The following THSD7A variants were observed in gnomAD, a reference collection of about 807,000 sequenced individuals.
THSD7A encodes the protein thrombospondin type 1 domain containing 7A, also known as thrombospondin type-1 domain-containing protein 7A.
A neutral mutation model predicts 231.3 loss-of-function variants in THSD7A; 96 were observed. The ratio of observed to expected loss-of-function variants is 0.41; its 90% CI spans 0.35 to 0.49. THSD7A has a LOEUF of 0.49. THSD7A is among the 20% of genes least tolerant of loss of function. The pLI is 0.05. For missense variants in THSD7A, 2,290 were observed against 2,070.2 expected, an observed-to-expected ratio of 1.11 and a Z score of -2.06; for synonymous variants, 940 against 743.3, an observed-to-expected ratio of 1.26 and a Z score of -4.30.
intron 23 of THSD7A, among the ~76,000 whole-genome samples, chr7:11,391,156 C>CAGGCAGGGATGTTTA (rs1451496898): frequency 1.3e-5 from 2 of 152,196 alleles, no homozygotes; most frequent in African/African-American, 4.8e-5. Context: ...TCAGAGCCAT[C>CAGGCAGGGATGTTTA]AGGCAGGGAT....
intron 13 of THSD7A, among the ~76,000 whole-genome samples, chr7:11,429,954 A>G (rs531680560): frequency 1.3e-5 from 2 of 152,342 alleles, no homozygotes; most frequent in African/African-American, 2.4e-5. Context: ...TCTTAACTAC[A>G]AACTTGCCAT....
intron 26 of THSD7A, chr7:11,378,030 G>C (rs1027299138): frequency 1.6e-4 from 25 of 151,676 alleles, no homozygotes; most frequent in Non-Finnish European, 2.6e-4. Flanking sequence ...CATACTATCA[G>C]CTAAATAAGC....
intron 2 of THSD7A, 137 bp from the exon 3 acceptor site, chr7:11,593,639 C>A: frequency 9.5e-7 from 1 of 1,047,918 alleles, no homozygotes; most frequent in Non-Finnish European, 1.4e-6. Context: ...GAAAATACAT[C>A]AACATTTATG....
intron 1 of THSD7A, among the ~76,000 whole-genome samples, chr7:11,688,531 C>A (rs998936057): frequency 2.0e-5 from 3 of 151,754 alleles, no homozygotes; most frequent in Non-Finnish European, 4.4e-5. Context: ...AGAAAAGAAG[C>A]GAGACTTCCC....
intron 4 of THSD7A, among the ~76,000 whole-genome samples, chr7:11,559,462 A>G (rs966202541): frequency 6.6e-6 from 1 of 152,010 alleles, no homozygotes; most frequent in African/African-American, 2.4e-5. Context: ...AACTATATTC[A>G]TTTGCAACTC....
At chr7:11,772,860 A>G (rs1009223727) in intron 1 of THSD7A, among the ~76,000 whole-genome samples, 3 of 152,194 alleles carry the variant, frequency 2.0e-5, no homozygotes, top group Non-Finnish European at 4.4e-5. Context: ...CCCTCAATCT[A>G]AAATAAAAGA....
intron 1 of THSD7A, among the ~76,000 whole-genome samples, chr7:11,657,870 A>G (rs1243647239): frequency 1.3e-5 from 2 of 151,794 alleles, no homozygotes; most frequent in Non-Finnish European, 2.9e-5. Flanking sequence ...AGCTGTTTCT[A>G]GAAGTACTCA....
intron 2 of THSD7A, among the ~76,000 whole-genome samples, chr7:11,635,417 G>T (rs1781799221): frequency 6.6e-6 from 1 of 152,066 alleles, no homozygotes; most frequent in Non-Finnish European, 1.5e-5. Flanking sequence ...AATCCTCAAT[G>T]AAAATTATTT....
At chr7:11,566,805 G>A (rs893686818) in intron 4 of THSD7A, among the ~76,000 whole-genome samples, 3 of 152,028 alleles carry the variant, frequency 2.0e-5, no homozygotes, top group African/African-American at 7.2e-5. Context: ...AAATAAAACT[G>A]CTTAGAAGAG....
chr7:11,469,619 T>C (rs867471443), intron 9 of THSD7A, among the ~76,000 whole-genome samples: 1 of 152,252 alleles, frequency 6.6e-6, no homozygotes, highest in African/African-American at 2.4e-5. Context: ...GTAAACACTA[T>C]TAATACAATA....
At chr7:11,518,093 G>A (rs1276415739) in intron 6 of THSD7A, among the ~76,000 whole-genome samples, 2 of 152,172 alleles carry the variant, frequency 1.3e-5, no homozygotes, top group African/African-American at 4.8e-5. Flanking sequence ...TCTGAGAGCT[G>A]AGACAACCCC....
rs1044880126 is a variant in THSD7A, at chr7:11,371,014, C to T, written c.*4780G>A. 8.5e-5 allele frequency: 13 copies of T among 152,090 alleles called. No homozygotes were observed. Among genetic ancestry groups the T allele is most frequent in the Non-Finnish European group, 1.9e-4 (13 of 68,018 alleles). 9.4% of individuals were successfully genotyped at this position (152,090 alleles called of 1,614,324 possible). On this transcript the variant is annotated 3_prime_UTR_variant, in exon 28 of 28. Transcript: ENST00000423059. Reference sequence around the variant, plus strand: ...AATCTACAAAACACAACAAGACTGACAATTATATTCTAAATAATATAGAGA... The same window carrying T: ...AATCTACAAAACACAACAAGACTGATAATTATATTCTAAATAATATAGAGA...
chr7:11,797,356 T>C (rs1190904388), intron 1 of THSD7A, among the ~76,000 whole-genome samples: 1 of 148,708 alleles, frequency 6.7e-6, no homozygotes, highest in East Asian at 2.0e-4. Context: ...TTTCCTTCCC[T>C]CCCTCCCTCT....
chr7:11,487,167 A>AT (rs1786691627), intron 6 of THSD7A, among the ~76,000 whole-genome samples: 1 of 152,144 alleles, frequency 6.6e-6, no homozygotes. Context: ...ATTTTCATGA[A>AT]TGCCACCACA....
rs570288594 is a variant in THSD7A, at chr7:11,563,641, C to G, written c.1454-20524G>C. 2.2e-4 allele frequency among the ~76,000 whole-genome samples: 34 copies of G among 152,310 alleles called. No homozygotes were observed. In the South Asian group the frequency reaches 4.8e-3, roughly 21 times the overall value. ...CCTTCCAAAGTGCTGGGACAAGAGG[C>G]ATGAGCCACGATGCCCAGCCACTGA... On this transcript the variant is annotated intron_variant, in intron 4 of 27. Coordinates refer to ENST00000423059, the MANE Select transcript of THSD7A (RefSeq NM_015204.3).
intron 1 of THSD7A, among the ~76,000 whole-genome samples, chr7:11,764,796 C>T (rs1378070178): frequency 6.6e-6 from 1 of 151,462 alleles, no homozygotes; most frequent in East Asian, 1.9e-4. Flanking sequence ...CAATTTCAGC[C>T]CTTGGAAAAT....
At chr7:11,507,581 T>C (rs1193579015) in intron 6 of THSD7A, among the ~76,000 whole-genome samples, 1 of 145,292 alleles carries the variant, frequency 6.9e-6, no homozygotes, top group East Asian at 2.0e-4. Flanking sequence ...GTTCACTGAC[T>C]CTTCCATGAA....
intron 6 of THSD7A, among the ~76,000 whole-genome samples, chr7:11,530,943 G>A (rs1287895658): frequency 6.6e-6 from 1 of 152,094 alleles, no homozygotes; most frequent in Admixed American, 6.6e-5. Flanking sequence ...ACTCGGAGGT[G>A]GAGGTTGCAG....
intron 1 of THSD7A, among the ~76,000 whole-genome samples, chr7:11,650,332 AT>A: frequency 6.6e-6 from 1 of 152,148 alleles, no homozygotes; most frequent in African/African-American, 2.4e-5. Context: ...TGCAACAATA[AT>A]TTCTGGAATT....
Sources: allele counts gnomAD v4.1 joint callset (sites outside exome capture counted in the v4.1 genomes callset), GRCh38; gene constraint gnomAD v4.1.1; transcripts MANE v1.5; gene names NCBI Gene and HGNC (gene_info 2026-07-23, HGNC 2026-07-21).